TTLL11: variants seen among roughly 807,000 people sequenced by gnomAD.
TTLL11 encodes the protein tubulin polyglutamylase TTLL11.
A neutral mutation model predicts 51.7 loss-of-function variants in TTLL11; 42 were observed. That is an observed-to-expected ratio of 0.81 (90% confidence interval 0.64 to 1.05). The LOEUF (loss-of-function observed/expected upper bound fraction) is 1.05, where lower values mean the gene tolerates loss of function less well. Among genes scored for constraint, TTLL11 ranks in the 50% least tolerant of loss-of-function variants. The pLI is 0.00. For synonymous variants in TTLL11, 381 were observed against 383.5 expected (o/e 0.99, Z 0.08); for missense variants, 799 against 940.4 (o/e 0.85, Z 1.97).
At chr9:121,982,859 A>C (rs1382221960) in intron 4 of TTLL11, among the ~76,000 whole-genome samples, 1 of 152,200 alleles carries the variant, frequency 6.6e-6, no homozygotes, top group Non-Finnish European at 1.5e-5. Flanking sequence ...AGATGAGGTC[A>C]GATAGACAAG....
intron 6 of TTLL11, among the ~76,000 whole-genome samples, chr9:121,970,080 C>T (rs1343984468): frequency 6.6e-6 from 1 of 152,146 alleles, no homozygotes; most frequent in Non-Finnish European, 1.5e-5. Context: ...TATATCTTTA[C>T]ATTGTAGGTA....
chr9:122,012,672 A>ACATG (rs1406150640), intron 3 of TTLL11, among the ~76,000 whole-genome samples: 24 of 147,124 alleles, frequency 1.6e-4, no homozygotes, highest in Admixed American at 4.8e-4. Context: ...ATACACACAC[A>ACATG]CACACGCACA....
chr9:121,985,756 G>A (rs1169239230), intron 4 of TTLL11, among the ~76,000 whole-genome samples: 1 of 151,934 alleles, frequency 6.6e-6, no homozygotes, highest in Admixed American at 6.6e-5. Context: ...TCCTGACCTC[G>A]TGATCCGCCT....
At position 122,056,116 on chromosome 9, in the gene TTLL11, A is replaced by C. The variant is rs547938639; in HGVS notation, c.463-16748T>G. Reference sequence around the variant, plus strand: ...GACTTGTCCTGAGCCTGATGTATGCACTGCTGCCAAAATAACGTACCCAAG... The same window carrying C: ...GACTTGTCCTGAGCCTGATGTATGCCCTGCTGCCAAAATAACGTACCCAAG... On this transcript the variant is annotated intron_variant, in intron 1 of 8. Coordinates refer to ENST00000321582, the MANE Select transcript of TTLL11 (RefSeq NM_001139442.2). Among the ~76,000 whole-genome samples the C allele has an allele frequency of 1.3e-4, 20 of 152,290 alleles. No individual in the cohort carries two copies. In the South Asian group the frequency reaches 3.7e-3, roughly 28 times the overall value.
intron 4 of TTLL11, chr9:121,988,889 C>T (rs1196810523): frequency 1.4e-5 from 7 of 516,764 alleles, no homozygotes; most frequent in Middle Eastern, 5.1e-4. Context: ...AATGAGTAAA[C>T]GAATGAATGT....
At position 121,870,627 on chromosome 9, in the gene TTLL11, C is replaced by T; in HGVS notation, c.1603G>A (p.Val535Met). The T allele has an allele frequency of 6.4e-7, 1 of 1,551,794 alleles. No individual in the cohort carries two copies. Among genetic ancestry groups the T allele is most frequent in the South Asian group, 1.2e-5 (1 of 84,056 alleles). ...AACTGTTTTGCGTACTTGGGGAACA[C>T]CTGCTTGAGGCAAATGGAAGGCAGG... Reference protein sequence around the residue: ...AHLPSICLKQVFPKYAKQFNY... With the variant: ...AHLPSICLKQMFPKYAKQFNY... Residue 535 changes from valine (V) to methionine (M), a missense_variant, in exon 7 of 9, where the codon GTG becomes ATG. Transcript: ENST00000321582.
At chr9:122,013,957 T>C (rs1843891404) in intron 3 of TTLL11, among the ~76,000 whole-genome samples, 1 of 152,268 alleles carries the variant, frequency 6.6e-6, no homozygotes, top group Non-Finnish European at 1.5e-5. Flanking sequence ...GGGATCTTAG[T>C]GAAAATCTAC....
chr9:122,027,562 G>A (rs937792962), intron 3 of TTLL11, among the ~76,000 whole-genome samples: 2 of 152,234 alleles, frequency 1.3e-5, no homozygotes, highest in Non-Finnish European at 1.5e-5. Context: ...TTCAGTCACT[G>A]TGTAAGATGT....
chr9:122,023,631 G>A lies in TTLL11; in HGVS notation c.693+8092C>T, dbSNP rs138333537. ...AGTTTGTCTTAGGGATGCAGGGTTT[G>A]TTTAATATTTAAAAATCAACCAATG... On this transcript the variant is annotated intron_variant, in intron 3 of 8. Coordinates refer to ENST00000321582, the MANE Select transcript of TTLL11 (RefSeq NM_001139442.2). 1.4e-3 allele frequency among the ~76,000 whole-genome samples: 220 copies of A among 151,758 alleles called. 1 individual carries two copies. Among genetic ancestry groups the A allele is most frequent in the African/African-American group, 5.1e-3 (211 of 41,438 alleles).
intron 1 of TTLL11, among the ~76,000 whole-genome samples, chr9:122,063,633 T>C (rs1845494348): frequency 6.6e-6 from 1 of 152,202 alleles, no homozygotes; most frequent in African/African-American, 2.4e-5. Context: ...TTAAAGGCAA[T>C]TTTAACTTCT....
intron 1 of TTLL11, among the ~76,000 whole-genome samples, chr9:122,082,392 C>T (rs996182262): frequency 1.3e-5 from 2 of 151,232 alleles, no homozygotes; most frequent in African/African-American, 4.9e-5. Context: ...ATCCCAGCTA[C>T]TCTGGAGGCT....
At chr9:121,894,605 G>A (rs1463514619) in intron 6 of TTLL11, among the ~76,000 whole-genome samples, 1 of 152,174 alleles carries the variant, frequency 6.6e-6, no homozygotes, top group Non-Finnish European at 1.5e-5. Flanking sequence ...GCAGAGACAT[G>A]GATGAAGCTG....
chr9:122,038,038 G>A (rs1844750510), intron 2 of TTLL11, among the ~76,000 whole-genome samples: 1 of 152,100 alleles, frequency 6.6e-6, no homozygotes, highest in Non-Finnish European at 1.5e-5. Context: ...AAAATACTAA[G>A]AGAAAACACC....
At chr9:121,874,019 A>T (rs1298623042) in intron 6 of TTLL11, among the ~76,000 whole-genome samples, 1 of 151,086 alleles carries the variant, frequency 6.6e-6, no homozygotes, top group African/African-American at 2.4e-5. Context: ...TAATTTTTGT[A>T]TTTTTATAGA....
intron 3 of TTLL11, among the ~76,000 whole-genome samples, chr9:122,001,609 C>T (rs1243727171): frequency 1.3e-5 from 2 of 152,116 alleles, no homozygotes; most frequent in African/African-American, 4.8e-5. Context: ...AGCGGCACAG[C>T]CTGTGCTTGG....
At chr9:121,832,706 A>G (rs955146736) in intron 8 of TTLL11, among the ~76,000 whole-genome samples, 3 of 152,154 alleles carry the variant, frequency 2.0e-5, no homozygotes, top group Admixed American at 6.5e-5. Flanking sequence ...TTGAGAGGCC[A>G]AAGTGGGTGG....
intron 8 of TTLL11, among the ~76,000 whole-genome samples, chr9:121,845,507 A>C (rs1430135233): frequency 6.6e-6 from 1 of 152,200 alleles, no homozygotes; most frequent in Non-Finnish European, 1.5e-5. Flanking sequence ...AGATACAATA[A>C]AATGTTTTTT....
chr9:121,972,170 C>T (rs1319063609), intron 6 of TTLL11, among the ~76,000 whole-genome samples: 1 of 151,488 alleles, frequency 6.6e-6, no homozygotes, highest in Non-Finnish European at 1.5e-5. Flanking sequence ...GTGTCAAAGT[C>T]ATCCTAAGAA....
intron 6 of TTLL11, among the ~76,000 whole-genome samples, chr9:121,947,208 G>T (rs775539825): frequency 1.3e-5 from 2 of 152,136 alleles, no homozygotes; most frequent in African/African-American, 2.4e-5. Context: ...AAAAACCACT[G>T]ATAGCCTGAA....
Sources: allele counts gnomAD v4.1 joint callset (sites outside exome capture counted in the v4.1 genomes callset), GRCh38; gene constraint gnomAD v4.1.1; transcripts MANE v1.5; gene names NCBI Gene and HGNC (gene_info 2026-07-23, HGNC 2026-07-21).